The following CLYBL variants were observed in gnomAD, a reference collection of about 807,000 sequenced individuals.
CLYBL encodes citramalyl-CoA lyase, mitochondrial.
Under a neutral mutation model 38.9 loss-of-function variants are expected in CLYBL, and 31 were observed. The observed-to-expected ratio is 0.80, with a 90% CI of 0.60 to 1.08. CLYBL has a LOEUF of 1.08. CLYBL is among the 50% of genes least tolerant of loss of function. The pLI, the probability that CLYBL is intolerant of heterozygous loss-of-function variation, is 0.00. For missense variants in CLYBL, 434 were observed against 411.6 expected (o/e 1.05, Z -0.47); for synonymous variants, 171 against 158.6 (o/e 1.08, Z -0.59).
intron 7 of CLYBL, among the ~76,000 whole-genome samples, chr13:99,889,424 A>C (rs1362598054): frequency 6.6e-6 from 1 of 152,200 alleles, no homozygotes; most frequent in Non-Finnish European, 1.5e-5. Context: ...GCCAACCTAC[A>C]GGACCACCTC....
intron 7 of CLYBL, among the ~76,000 whole-genome samples, chr13:99,889,442 C>G (rs1405421668): frequency 6.6e-6 from 1 of 152,174 alleles, no homozygotes. Flanking sequence ...CTCGGAACTT[C>G]CAACCAAATT....
chr13:99,650,132 G>A lies in CLYBL; in HGVS notation c.62+43375G>A, dbSNP rs1203003258. ...CAAAAAATTAGCTGGGCGTGGTGGCGGGCGCCTATAGTCCCAGCTACTCGG... is the reference window on the plus strand; with the variant it reads ...CAAAAAATTAGCTGGGCGTGGTGGCAGGCGCCTATAGTCCCAGCTACTCGG... On this transcript the variant is annotated intron_variant, in intron 1 of 8. Transcript: ENST00000339105. 7.9e-5 allele frequency among the ~76,000 whole-genome samples: 12 copies of A among 151,986 alleles called. No homozygotes were observed. In the South Asian group the frequency reaches 1.0e-3, roughly 13 times the overall value.
intron 1 of CLYBL, among the ~76,000 whole-genome samples, chr13:99,723,589 T>C (rs1271995035): frequency 1.3e-5 from 2 of 152,238 alleles, no homozygotes; most frequent in Non-Finnish European, 2.9e-5. Flanking sequence ...GTAGTTTCTC[T>C]CTGGAAATTT....
chr13:99,739,981 A>C (rs1192015240), intron 1 of CLYBL, among the ~76,000 whole-genome samples: 1 of 147,006 alleles, frequency 6.8e-6, no homozygotes, highest in African/African-American at 2.4e-5. Flanking sequence ...TGAGGAAAAA[A>C]AAACAAAAAA....
intron 1 of CLYBL, among the ~76,000 whole-genome samples, chr13:99,650,683 C>A (rs13378481): frequency 0.019 from 2,819 of 152,232 alleles, 85 homozygotes; most frequent in African/African-American, 0.064. Flanking sequence ...TCCTTGGAGT[C>A]ATTCTTGCCT....
At chr13:99,863,494 G>A (rs2051661366) in intron 4 of CLYBL, among the ~76,000 whole-genome samples, 1 of 152,176 alleles carries the variant, frequency 6.6e-6, no homozygotes, top group Non-Finnish European at 1.5e-5. Context: ...GAAATGTTCT[G>A]CCCTCTCTGT....
intron 1 of CLYBL, among the ~76,000 whole-genome samples, chr13:99,761,978 C>A (rs534929893): frequency 6.6e-6 from 1 of 152,274 alleles, no homozygotes; most frequent in Admixed American, 6.5e-5. Flanking sequence ...TCAGAAATAT[C>A]TGTTCAGACC....
chr13:99,771,237 G>A (rs1302068885), intron 1 of CLYBL, among the ~76,000 whole-genome samples: 3 of 152,080 alleles, frequency 2.0e-5, no homozygotes, highest in African/African-American at 4.8e-5. Context: ...TGATAGAGCC[G>A]AGATTTTGCT....
At chr13:99,761,702 TCACAG>T (rs1337911339) in intron 1 of CLYBL, among the ~76,000 whole-genome samples, 3 of 152,354 alleles carry the variant, frequency 2.0e-5, no homozygotes, top group African/African-American at 7.2e-5. Flanking sequence ...AATTGCTGGA[TCACAG>T]CACAGTTCTC....
chr13:99,895,128 C>T (rs1273717317), downstream of CLYBL: 2 of 152,172 alleles, frequency 1.3e-5, no homozygotes, highest in African/African-American at 4.8e-5. Flanking sequence ...CTAAAATAGA[C>T]ATATTATTAT....
chr13:99,656,013 T>C (rs527672306), intron 1 of CLYBL, among the ~76,000 whole-genome samples: 2 of 152,346 alleles, frequency 1.3e-5, no homozygotes, highest in South Asian at 2.1e-4. Context: ...TAAGCCTTCC[T>C]GCACAGCTCT....
At chr13:99,778,295 T>C (rs1388695270) in intron 2 of CLYBL, among the ~76,000 whole-genome samples, 2 of 152,186 alleles carry the variant, frequency 1.3e-5, no homozygotes, top group Non-Finnish European at 2.9e-5. Flanking sequence ...AGACCATTTT[T>C]AGTGAGTTTA....
In CLYBL at chr13:99,736,038, CTTTTTT is replaced by C. The variant is rs767129851; in HGVS notation, c.63-36767_63-36762del. Among the ~76,000 whole-genome samples, 422 of 76,170 alleles carry C rather than the reference CTTTTTT, an allele frequency of 5.5e-3. 3 individuals carry two copies. The highest frequency in any genetic ancestry group is 0.02 in the African/African-American group (385 of 19,080). 50.0% of individuals were successfully genotyped at this position (76,170 alleles called of 152,430 possible). On this transcript the variant is annotated intron_variant, in intron 1 of 8. Coordinates refer to ENST00000339105, the MANE Select transcript of CLYBL (RefSeq NM_206808.5). ...TTACTATATCCTATACGTTTCTTTT[CTTTTTT>C]TTTTTTTTTTTTTTTTTTGAGCTGG...
intron 1 of CLYBL, among the ~76,000 whole-genome samples, chr13:99,697,657 CT>C (rs1258513700): frequency 2.1e-5 from 3 of 142,512 alleles, no homozygotes; most frequent in Non-Finnish European, 1.5e-5. Flanking sequence ...GCCTTTCTTT[CT>C]TTCTTTTTTT....
At chr13:99,897,869 C>A (rs2052600130), downstream of CLYBL, among the ~76,000 whole-genome samples, 1 of 151,908 alleles carries the variant, frequency 6.6e-6, no homozygotes, top group South Asian at 2.1e-4. Context: ...ATCGCTTGAC[C>A]CGGGAGGCAG....
chr13:99,900,468 G>C (rs903129174), downstream of CLYBL, among the ~76,000 whole-genome samples: 1 of 151,920 alleles, frequency 6.6e-6, no homozygotes, highest in African/African-American at 2.4e-5. Flanking sequence ...ATTTTGTCCC[G>C]TCCCCTGATC....
At chr13:99,676,568 G>T (rs564297579) in intron 1 of CLYBL, among the ~76,000 whole-genome samples, 1 of 150,546 alleles carries the variant, frequency 6.6e-6, no homozygotes, top group Admixed American at 6.6e-5. Flanking sequence ...GGGATTACAG[G>T]CATGAGCCAC....
At chr13:99,701,056 G>A (rs9585198) in intron 1 of CLYBL, among the ~76,000 whole-genome samples, 54,035 of 151,938 alleles carry the variant, frequency 0.36, 10,528 homozygotes, top group Middle Eastern at 0.46. Context: ...GCCCAGGCCG[G>A]TTGTCACTTC....
intron 2 of CLYBL, among the ~76,000 whole-genome samples, chr13:99,779,301 C>A (rs938867165): frequency 6.6e-6 from 1 of 152,032 alleles, no homozygotes; most frequent in Non-Finnish European, 1.5e-5. Context: ...TGCCACCACG[C>A]CCAGTTAATT....
Sources: allele counts gnomAD v4.1 joint callset (sites outside exome capture counted in the v4.1 genomes callset), GRCh38; gene constraint gnomAD v4.1.1; transcripts MANE v1.5; gene names NCBI Gene and HGNC (gene_info 2026-07-23, HGNC 2026-07-21).